ATP2B4: variants seen among roughly 807,000 people sequenced by gnomAD.
ATP2B4 encodes ATPase plasma membrane Ca2+ transporting 4.
Under a neutral mutation model 110.3 loss-of-function variants are expected in ATP2B4, and 39 were observed. The observed-to-expected ratio is 0.35, with a 90% CI of 0.27 to 0.46. The LOEUF is 0.46. Ranked by LOEUF, ATP2B4 falls within the 20% of genes least tolerant of loss-of-function variation. ATP2B4 has a pLI of 1.00. For missense variants in ATP2B4, 1,135 were observed against 1,530.9 expected (o/e 0.74, Z 4.32); for synonymous variants, 538 against 571.7 (o/e 0.94, Z 0.84).
intron 17 of ATP2B4, 28 bp from the exon 18 acceptor site, chr1:203,722,450 C>T: frequency 9.6e-6 from 15 of 1,556,068 alleles, no homozygotes; most frequent in Non-Finnish European, 1.3e-5. Flanking sequence ...CCACACTTAA[C>T]CTCCAGTGCT....
chr1:203,663,331 C>G (rs570196879), intron 1 of ATP2B4, among the ~76,000 whole-genome samples: 3 of 152,030 alleles, frequency 2.0e-5, no homozygotes, highest in East Asian at 3.9e-4. Context: ...CTTCCTCCAC[C>G]CTTTTTTGTT....
intron 1 of ATP2B4, among the ~76,000 whole-genome samples, chr1:203,676,676 A>AG (rs1413953171): frequency 6.6e-6 from 1 of 152,188 alleles, no homozygotes; most frequent in Non-Finnish European, 1.5e-5. Context: ...CCAGATCACC[A>AG]GGGGGAGCAA....
chr1:203,672,322 CTCT>C (rs1664690588), intron 1 of ATP2B4, among the ~76,000 whole-genome samples: 3 of 76,886 alleles, frequency 3.9e-5, no homozygotes, highest in African/African-American at 1.5e-4. Context: ...GTTGCGGTGG[CTCT>C]TTTTTTTTTT....
intron 19 of ATP2B4, among the ~76,000 whole-genome samples, chr1:203,724,865 C>CTCTCT (rs1214526316): frequency 2.0e-5 from 2 of 101,454 alleles, no homozygotes; most frequent in Admixed American, 1.2e-4. Flanking sequence ...ATCCAGCTCT[C>CTCTCT]TGTTTTTTTT....
intron 2 of ATP2B4, among the ~76,000 whole-genome samples, chr1:203,688,344 G>T (rs6668485): frequency 6.6e-6 from 1 of 151,312 alleles, no homozygotes; most frequent in Non-Finnish European, 1.5e-5. Context: ...TGTCACCGAG[G>T]CTGGAGTGCA....
At chr1:203,657,607 C>T (rs1664200898) in intron 1 of ATP2B4, 1 of 974,712 alleles carries the variant, frequency 1.0e-6, no homozygotes, top group Non-Finnish European at 1.7e-6. Context: ...TAAAGCTTAG[C>T]CTTCAGACCA....
intron 1 of ATP2B4, among the ~76,000 whole-genome samples, chr1:203,653,974 TATATATA>T (rs1306255418): frequency 3.5e-4 from 43 of 123,468 alleles, no homozygotes; most frequent in East Asian, 9.7e-4. Flanking sequence ...TATATATATA[TATATATA>T]TATATTTTTT....
rs527802450 is a variant in ATP2B4, at chr1:203,641,755, T to G, written c.-465+14536T>G. 6.9e-4 allele frequency among the ~76,000 whole-genome samples: 105 copies of G among 152,304 alleles called. 1 individual carries two copies. Among genetic ancestry groups the G allele is most frequent in the African/African-American group, 2.3e-3 (97 of 41,556 alleles). Reference sequence around the variant, plus strand: ...TGGCTCATTAGGGTTGGGGCTGATATGTGACCCAGGCCTGACACCAAAGCT... The same window carrying G: ...TGGCTCATTAGGGTTGGGGCTGATAGGTGACCCAGGCCTGACACCAAAGCT... On this transcript the variant is annotated intron_variant, in intron 1 of 20. Transcript: ENST00000357681.
chr1:203,637,384 C>G (rs569382763), intron 1 of ATP2B4, among the ~76,000 whole-genome samples: 3 of 142,048 alleles, frequency 2.1e-5, no homozygotes, highest in African/African-American at 7.8e-5. Flanking sequence ...TGCAGTGAGC[C>G]GAGATCGCAC....
intron 1 of ATP2B4, among the ~76,000 whole-genome samples, chr1:203,674,944 G>A (rs1664786650): frequency 6.6e-6 from 1 of 152,080 alleles, no homozygotes; most frequent in African/African-American, 2.4e-5. Flanking sequence ...CCTGACCTCA[G>A]GTGATCTGCC....
At chr1:203,655,625 A>G (rs1457695164) in intron 1 of ATP2B4, among the ~76,000 whole-genome samples, 3 of 152,022 alleles carry the variant, frequency 2.0e-5, no homozygotes, top group African/African-American at 7.2e-5. Flanking sequence ...CAGCCTGGGC[A>G]ACATAGCAAG....
intron 1 of ATP2B4, among the ~76,000 whole-genome samples, chr1:203,656,426 A>T (rs1664165989): frequency 6.6e-6 from 1 of 152,252 alleles, no homozygotes; most frequent in African/African-American, 2.4e-5. Flanking sequence ...AATGGAAGAA[A>T]AAAATGTTTA....
chr1:203,726,319 C>T (rs1245667049), intron 19 of ATP2B4, among the ~76,000 whole-genome samples: 2 of 152,162 alleles, frequency 1.3e-5, no homozygotes, highest in African/African-American at 2.4e-5. Context: ...CCTCCTGCCT[C>T]GGCCTCCCGA....
intron 14 of ATP2B4, among the ~76,000 whole-genome samples, chr1:203,713,744 C>T (rs1480794238): frequency 2.6e-5 from 4 of 152,164 alleles, no homozygotes; most frequent in African/African-American, 7.2e-5. Context: ...GGATTAGAGC[C>T]GTGAGCCACC....
At chr1:203,680,668 C>A (rs1664987902) in intron 1 of ATP2B4, among the ~76,000 whole-genome samples, 1 of 151,810 alleles carries the variant, frequency 6.6e-6, no homozygotes, top group Non-Finnish European at 1.5e-5. Context: ...GTGTCCTATT[C>A]CAGACACTGG....
chr1:203,732,783 C>A (rs1298979402), intron 20 of ATP2B4, among the ~76,000 whole-genome samples: 5 of 151,042 alleles, frequency 3.3e-5, no homozygotes, highest in African/African-American at 1.2e-4. Context: ...CCACTGCACT[C>A]CAGCCTGGGC....
intron 1 of ATP2B4, among the ~76,000 whole-genome samples, chr1:203,661,372 T>C (rs1266969477): frequency 6.6e-6 from 1 of 152,184 alleles, no homozygotes; most frequent in East Asian, 1.9e-4. Flanking sequence ...TTCTCCTCTG[T>C]AAAATGGGAG....
chr1:203,674,177 C>T (rs57750358), intron 1 of ATP2B4, among the ~76,000 whole-genome samples: 2,239 of 152,258 alleles, frequency 0.015, 45 homozygotes, highest in African/African-American at 0.046. Flanking sequence ...CCTGAGTGAA[C>T]GGGGTCAGGA....
chr1:203,659,554 A>C (rs536870200), intron 1 of ATP2B4, among the ~76,000 whole-genome samples: 21 of 152,010 alleles, frequency 1.4e-4, no homozygotes, highest in Non-Finnish European at 2.6e-4. Context: ...CCTGTAGTCC[A>C]CAAAGGAGGC....
Sources: allele counts gnomAD v4.1 joint callset (sites outside exome capture counted in the v4.1 genomes callset), GRCh38; gene constraint gnomAD v4.1.1; transcripts MANE v1.5; gene names NCBI Gene and HGNC (gene_info 2026-07-23, HGNC 2026-07-21).